PLCXD3: variants seen among roughly 807,000 people sequenced by gnomAD.
PLCXD3 encodes phosphatidylinositol specific phospholipase C X domain containing 3.
A neutral mutation model predicts 25.5 loss-of-function variants in PLCXD3; 19 were observed. That is an observed-to-expected ratio of 0.75 (90% confidence interval 0.52 to 1.09). The LOEUF is 1.09. Among genes scored for constraint, PLCXD3 ranks in the 50% least tolerant of loss-of-function variants. The pLI is 0.00. For synonymous variants in PLCXD3, 174 were observed against 137.6 expected, an observed-to-expected ratio of 1.26 and a Z score of -1.85; for missense variants, 411 against 388.1, an observed-to-expected ratio of 1.06 and a Z score of -0.50.
At chr5:41,420,248 G>T (rs1561268111) in intron 1 of PLCXD3, among the ~76,000 whole-genome samples, 1 of 152,070 alleles carries the variant, frequency 6.6e-6, no homozygotes, top group Non-Finnish European at 1.5e-5. Context: ...TAAAACAAAA[G>T]GGAATAGAAG....
intron 1 of PLCXD3, among the ~76,000 whole-genome samples, chr5:41,474,001 A>G (rs942030882): frequency 2.0e-5 from 3 of 152,196 alleles, no homozygotes; most frequent in Non-Finnish European, 4.4e-5. Flanking sequence ...AGTCACTACA[A>G]CAGTTACTAC....
chr5:41,330,372 T>C (rs1232444939), intron 2 of PLCXD3, among the ~76,000 whole-genome samples: 1 of 152,060 alleles, frequency 6.6e-6, no homozygotes, highest in East Asian at 1.9e-4. Context: ...CCTCGACACA[T>C]ACGCCCTCCC....
chr5:41,488,689 G>A (rs1345051209), intron 1 of PLCXD3, among the ~76,000 whole-genome samples: 5 of 146,932 alleles, frequency 3.4e-5, no homozygotes, highest in East Asian at 2.0e-4. Context: ...GTGATGGTGA[G>A]CATTTTTTCA....
At chr5:41,446,146 C>CAGT (rs1352400649) in intron 1 of PLCXD3, among the ~76,000 whole-genome samples, 1 of 124,414 alleles carries the variant, frequency 8.0e-6, no homozygotes, top group Non-Finnish European at 1.6e-5. Flanking sequence ...CACAGCACTC[C>CAGT]AGTCTGGGCG....
At chr5:41,465,997 C>T (rs1350229639) in intron 1 of PLCXD3, among the ~76,000 whole-genome samples, 1 of 152,012 alleles carries the variant, frequency 6.6e-6, no homozygotes, top group African/African-American at 2.4e-5. Context: ...TCACTTTATC[C>T]TTTGCAAACA....
chr5:41,394,049 A>G (rs1031223835), intron 1 of PLCXD3, among the ~76,000 whole-genome samples: 1 of 152,230 alleles, frequency 6.6e-6, no homozygotes, highest in Admixed American at 6.5e-5. Flanking sequence ...AAAAAACTAA[A>G]TGATGAACCA....
rs6865360 is a variant in PLCXD3 at position 41,374,918 on chromosome 5, C to T, written c.812+6908G>A. 4.0e-3 allele frequency among the ~76,000 whole-genome samples: 610 copies of T among 152,186 alleles called. 5 individuals are homozygous for T. Among genetic ancestry groups the T allele is most frequent in the African/African-American group, 0.014 (590 of 41,524 alleles). Reference sequence around the variant, plus strand: ...GTCTGACTTTAAGCCATTTGAACAGCTGACTTTGAACCATTCTGAGTCTCA... The same window carrying T: ...GTCTGACTTTAAGCCATTTGAACAGTTGACTTTGAACCATTCTGAGTCTCA... On this transcript the variant is annotated intron_variant, in intron 2 of 2. Coordinates refer to ENST00000377801, the MANE Select transcript of PLCXD3 (RefSeq NM_001005473.3).
rs542880149 is a variant in PLCXD3, at chr5:41,393,857, G to A, written c.104-11323C>T. Among the ~76,000 whole-genome samples the A allele has an allele frequency of 2.2e-3, 340 of 152,150 alleles. 1 individual carries two copies. Among genetic ancestry groups the A allele is most frequent in the Middle Eastern group, 0.014 (4 of 294 alleles). On this transcript the variant is annotated intron_variant, in intron 1 of 2. Coordinates refer to ENST00000377801, the MANE Select transcript of PLCXD3 (RefSeq NM_001005473.3). ...AGGCAGAAGGATGGTGTGAACCCAGGAGGCAGAGCTTGCAGTGAGCCGAGA... is the reference window on the plus strand; with the variant it reads ...AGGCAGAAGGATGGTGTGAACCCAGAAGGCAGAGCTTGCAGTGAGCCGAGA...
Position 41,479,358 on chromosome 5 carries a change from G to T in PLCXD3, c.103+31066C>A, listed in dbSNP as rs924377363. 2.0e-5 allele frequency among the ~76,000 whole-genome samples: 3 copies of T among 152,268 alleles called. No homozygotes were observed. The East Asian group carries it at 5.8e-4, about 29-fold the overall frequency. On this transcript the variant is annotated intron_variant, in intron 1 of 2. Transcript: ENST00000377801. ...GAAGAATGAGGAGGAGTTAGTGTTTGATTGGTATAGAGTTTTAGTTGAGGA... is the reference window on the plus strand; with the variant it reads ...GAAGAATGAGGAGGAGTTAGTGTTTTATTGGTATAGAGTTTTAGTTGAGGA...
At chr5:41,411,380 C>G (rs1167769544) in intron 1 of PLCXD3, among the ~76,000 whole-genome samples, 1 of 152,154 alleles carries the variant, frequency 6.6e-6, no homozygotes, top group African/African-American at 2.4e-5. Context: ...ATAGCTGGAT[C>G]TTTTCTTTAT....
At chr5:41,445,470 T>C (rs986994504) in intron 1 of PLCXD3, among the ~76,000 whole-genome samples, 1 of 152,182 alleles carries the variant, frequency 6.6e-6, no homozygotes, top group Non-Finnish European at 1.5e-5. Flanking sequence ...AGGTAAAGAA[T>C]TTGTCTCATC....
rs1297795682 is a variant in PLCXD3, at chr5:41,510,485, G to C, written c.42C>G (p.Asp14Glu). 1 of 1,613,190 alleles carries C rather than the reference G, an allele frequency of 6.2e-7. No homozygotes were observed. Among genetic ancestry groups the C allele is most frequent in the Non-Finnish European group, 8.5e-7 (1 of 1,179,618 alleles). ...SQGKNELKLA[D>E]WMATLPESMH... ...TGCTCTCCGGCAGAGTTGCCATCCA[G>C]TCGGCTAATTTCAGCTCGTTTTTCC... Residue 14 changes from aspartate to glutamate, a missense_variant, in exon 1 of 3, where the codon GAC becomes GAG. Asp to Glu is a conservative substitution (Grantham distance 45, BLOSUM62 2). Transcript: ENST00000377801.
chr5:41,450,298 A>G (rs1747599741), intron 1 of PLCXD3, among the ~76,000 whole-genome samples: 2 of 152,180 alleles, frequency 1.3e-5, no homozygotes, highest in Admixed American at 1.3e-4. Context: ...CATCTTAGAC[A>G]CAAAAGCTTC....
At chr5:41,336,725 A>G (rs1167424957) in intron 2 of PLCXD3, among the ~76,000 whole-genome samples, 1 of 152,062 alleles carries the variant, frequency 6.6e-6, no homozygotes, top group Non-Finnish European at 1.5e-5. Flanking sequence ...GCATGCAATG[A>G]TTGATGTCTG....
chr5:41,453,538 G>A lies in PLCXD3; in HGVS notation c.103+56886C>T, dbSNP rs763155090. On this transcript the variant is annotated intron_variant, in intron 1 of 2. Transcript: ENST00000377801. ...ATGACTCACTATATAAACATTTATC[G>A]TGGTCAAGTTATTCACCTTTCTTAA... Among the ~76,000 whole-genome samples, 9 of 151,958 alleles carry A rather than the reference G, an allele frequency of 5.9e-5. No individual in the cohort carries two copies. The South Asian group carries it at 6.2e-4, about 11-fold the overall frequency.
intron 1 of PLCXD3, among the ~76,000 whole-genome samples, chr5:41,464,145 C>T (rs1013862056): frequency 6.6e-6 from 1 of 151,966 alleles, no homozygotes; most frequent in Non-Finnish European, 1.5e-5. Context: ...GATGGAATCC[C>T]TCAGTCTGCC....
chr5:41,481,203 A>T (rs1181301329), intron 1 of PLCXD3, among the ~76,000 whole-genome samples: 1 of 151,992 alleles, frequency 6.6e-6, no homozygotes, highest in Non-Finnish European at 1.5e-5. Context: ...ATACTTCCTG[A>T]ATATTTAGTC....
At chr5:41,405,796 T>TA (rs1746334394) in intron 1 of PLCXD3, among the ~76,000 whole-genome samples, 1 of 152,132 alleles carries the variant, frequency 6.6e-6, no homozygotes, top group South Asian at 2.1e-4. Context: ...TTGTTTTGTT[T>TA]ACCATTTCCA....
intron 1 of PLCXD3, among the ~76,000 whole-genome samples, chr5:41,487,802 G>A (rs1054973225): frequency 6.6e-6 from 1 of 151,946 alleles, no homozygotes. Flanking sequence ...AAGAAAGAAT[G>A]GATTGGATTA....
Sources: gnomAD v4.1 joint callset for allele counts (sites outside exome capture counted in the v4.1 genomes callset) on GRCh38, gnomAD v4.1.1 for gene constraint, MANE v1.5 for transcripts, NCBI Gene and HGNC (gene_info 2026-07-23, HGNC 2026-07-21) for gene names.